The following SGCD variants were observed in gnomAD, a reference collection of about 807,000 sequenced individuals.
The protein encoded by SGCD is delta-sarcoglycan.
SGCD carries 18 observed loss-of-function variants against 36.6 expected under a neutral mutation model. That is an observed-to-expected ratio of 0.49 (90% CI 0.34 to 0.73). SGCD has a LOEUF of 0.73. SGCD is among the 30% of genes least tolerant of loss of function. The pLI, the probability that SGCD is intolerant of heterozygous loss-of-function variation, is 0.01. For missense variants in SGCD, 387 were observed against 346.7 expected, an observed-to-expected ratio of 1.12 and a Z score of -0.92; for synonymous variants, 133 against 130.6, an observed-to-expected ratio of 1.02 and a Z score of -0.12.
chr5:155,946,283 A>T (rs1237493730), intron 1 of SGCD, among the ~76,000 whole-genome samples: 2 of 152,172 alleles, frequency 1.3e-5, no homozygotes, highest in East Asian at 3.9e-4. Flanking sequence ...TGCAAGTTAG[A>T]TAACATTTTT....
At chr5:156,256,321 C>T (rs1765716148) in intron 3 of SGCD, among the ~76,000 whole-genome samples, 1 of 152,188 alleles carries the variant, frequency 6.6e-6, no homozygotes, top group Non-Finnish European at 1.5e-5. Flanking sequence ...AATCTCCCTT[C>T]AGCCCCTTTC....
intron 3 of SGCD, among the ~76,000 whole-genome samples, chr5:156,216,326 C>T (rs951410476): frequency 3.9e-5 from 6 of 152,060 alleles, no homozygotes; most frequent in Non-Finnish European, 4.4e-5. Flanking sequence ...AATGTTCTCG[C>T]AACAAAAATG....
intron 1 of SGCD, among the ~76,000 whole-genome samples, chr5:155,983,989 CT>C (rs1302127597): frequency 1.3e-5 from 2 of 152,212 alleles, no homozygotes; most frequent in African/African-American, 4.8e-5. Context: ...TCTTCACTGA[CT>C]TGTTCCAGCC....
intron 1 of SGCD, among the ~76,000 whole-genome samples, chr5:155,874,783 G>A (rs943666153): frequency 9.9e-5 from 15 of 152,094 alleles, no homozygotes; most frequent in African/African-American, 3.6e-4. Flanking sequence ...TGAGTATGTG[G>A]AGCAAATGGA....
chr5:156,326,010 A>C (rs1182140532), upstream of SGCD, among the ~76,000 whole-genome samples: 1 of 152,238 alleles, frequency 6.6e-6, no homozygotes, highest in Admixed American at 6.5e-5. Context: ...CTTTAGAATA[A>C]GTTGCCAATG....
Position 156,588,232 on chromosome 5 carries a change from T to C in SGCD, c.295-999T>C, listed in dbSNP as rs375345343. Reference sequence around the variant, plus strand: ...CCTCTGCCTCTTCTTGTATCACCAGTGATCTAAGAATGGTTTTCATGTTTT... The same window carrying C: ...CCTCTGCCTCTTCTTGTATCACCAGCGATCTAAGAATGGTTTTCATGTTTT... On this transcript the variant is annotated intron_variant, in intron 4 of 8. Transcript: ENST00000337851. Among the ~76,000 whole-genome samples the C allele has an allele frequency of 4.7e-4, 72 of 152,070 alleles. No homozygotes were observed. The South Asian group carries it at 6.7e-3, about 14-fold the overall frequency.
intron 1 of SGCD, among the ~76,000 whole-genome samples, chr5:155,970,886 T>C (rs1172623928): frequency 1.3e-5 from 2 of 152,176 alleles, no homozygotes; most frequent in Admixed American, 1.3e-4. Flanking sequence ...AACAGGATTT[T>C]ATTTTTCTCA....
chr5:155,823,127 T>C, the SGCD span, among the ~76,000 whole-genome samples: 3 of 152,052 alleles, frequency 2.0e-5, no homozygotes, highest in African/African-American at 7.3e-5. Flanking sequence ...GCTAGCTATC[T>C]AGCTACCTAG....
At chr5:156,595,079 T>A (rs754708072) in intron 6 of SGCD, 28 bp downstream of exon 6, 1 of 1,594,872 alleles carries the variant, frequency 6.3e-7, no homozygotes, top group Admixed American at 1.8e-5. Flanking sequence ...ATTTAACTTG[T>A]TTGATGCTAC....
chr5:156,646,474 G>T (rs534036663), intron 6 of SGCD, among the ~76,000 whole-genome samples: 50 of 152,242 alleles, frequency 3.3e-4, no homozygotes, highest in African/African-American at 1.1e-3. Context: ...TGCCTACACA[G>T]AGCTTAAGAT....
chr5:155,989,981 G>T lies in SGCD; in HGVS notation c.-282+119557G>T, dbSNP rs552595305. ...ATGAGACCATGTTGTTCCTCCTTTT[G>T]TTCAATTTCTTCACTCTTCCAAACC... On this transcript the variant is annotated intron_variant, in intron 1 of 9. Coordinates refer to the SGCD transcript ENST00000517913. Among the ~76,000 whole-genome samples the T allele has an allele frequency of 3.3e-5, 5 of 152,244 alleles. No homozygotes were observed. In the South Asian group the frequency reaches 1.0e-3, roughly 32 times the overall value.
the SGCD span, among the ~76,000 whole-genome samples, chr5:155,809,350 A>G: frequency 1.3e-5 from 2 of 152,232 alleles, no homozygotes; most frequent in African/African-American, 4.8e-5. Flanking sequence ...ACTGCTCCTC[A>G]TTGTGTATTT....
At chr5:156,638,519 C>T (rs1398163634) in intron 6 of SGCD, among the ~76,000 whole-genome samples, 5 of 152,176 alleles carry the variant, frequency 3.3e-5, no homozygotes, top group South Asian at 4.1e-4. Context: ...CTCAGCTTAT[C>T]GCTGATGCTT....
intron 3 of SGCD, among the ~76,000 whole-genome samples, chr5:156,181,049 CCAGAGTTTCTCT>C (rs1763593850): frequency 6.6e-6 from 1 of 152,104 alleles, no homozygotes; most frequent in South Asian, 2.1e-4. Context: ...TAAAGAAATT[CCAGAGTTTCTCT>C]CAGTGCTTTG....
At chr5:155,741,935 T>C in the SGCD span, among the ~76,000 whole-genome samples, 1 of 152,122 alleles carries the variant, frequency 6.6e-6, no homozygotes, top group South Asian at 2.1e-4. Flanking sequence ...TCCACCTGCC[T>C]TGGCCTCCCA....
chr5:156,172,189 C>T (rs1157361561), intron 3 of SGCD, among the ~76,000 whole-genome samples: 1 of 152,166 alleles, frequency 6.6e-6, no homozygotes, highest in Non-Finnish European at 1.5e-5. Flanking sequence ...GAGGCTGAGG[C>T]AGGAGAATCG....
intron 1 of SGCD, among the ~76,000 whole-genome samples, chr5:155,882,936 G>A (rs1000374413): frequency 6.6e-6 from 1 of 152,162 alleles, no homozygotes; most frequent in Non-Finnish European, 1.5e-5. Context: ...AAGCTGATTT[G>A]TATACACTGA....
intron 3 of SGCD, among the ~76,000 whole-genome samples, chr5:156,372,250 G>T (rs940908179): frequency 1.3e-5 from 2 of 152,150 alleles, no homozygotes; most frequent in African/African-American, 2.4e-5. Flanking sequence ...TATCTAAGAG[G>T]TATGGTATCG....
the SGCD span, among the ~76,000 whole-genome samples, chr5:155,773,281 C>A: frequency 1.3e-5 from 2 of 152,166 alleles, no homozygotes; most frequent in African/African-American, 4.8e-5. Context: ...TATGCCATAC[C>A]TTGCTCCTGT....
Sources: gnomAD v4.1 joint callset for allele counts (sites outside exome capture counted in the v4.1 genomes callset) on GRCh38, gnomAD v4.1.1 for gene constraint, MANE v1.5 for transcripts, NCBI Gene and HGNC (gene_info 2026-07-23, HGNC 2026-07-21) for gene names.